The following PRDM5 variants were observed in gnomAD, a reference collection of about 807,000 sequenced individuals.
PRDM5 encodes the protein PR/SET domain 5, also known as PR domain zinc finger protein 5.
A neutral mutation model predicts 81.2 loss-of-function variants in PRDM5; 56 were observed. That is an observed-to-expected ratio of 0.69 (90% confidence interval 0.56 to 0.86). The LOEUF (loss-of-function observed/expected upper bound fraction) is 0.86, where lower values mean the gene tolerates loss of function less well. Ranked by LOEUF, PRDM5 falls within the 40% of genes least tolerant of loss-of-function variation. The probability of loss-of-function intolerance (pLI) is 0.00; values close to 1 mark genes in which losing one functional copy is unlikely to be tolerated. For synonymous variants in PRDM5, 267 were observed against 256.4 expected, an observed-to-expected ratio of 1.04 and a Z score of -0.39; for missense variants, 697 against 770.1, an observed-to-expected ratio of 0.91 and a Z score of 1.12.
intron 1 of PRDM5, among the ~76,000 whole-genome samples, chr4:120,916,323 G>T (rs1434265483): frequency 6.6e-6 from 1 of 152,132 alleles, no homozygotes; most frequent in East Asian, 1.9e-4. Context: ...GGAGGCAAAG[G>T]TTGCAGTGAG....
At chr4:120,774,221 C>A (rs962008331) in intron 13 of PRDM5, among the ~76,000 whole-genome samples, 1 of 152,206 alleles carries the variant, frequency 6.6e-6, no homozygotes, top group African/African-American at 2.4e-5. Flanking sequence ...ACTGTCCCCA[C>A]CCTGCCTTCA....
chr4:120,821,479 G>T, intron 3 of PRDM5, 134 bp from the exon 4 acceptor site: 1 of 846,490 alleles, frequency 1.2e-6, no homozygotes, highest in Non-Finnish European at 1.8e-6. Context: ...TAGTTGATCT[G>T]GGTGCTGAAA....
intron 13 of PRDM5, among the ~76,000 whole-genome samples, chr4:120,773,851 G>A (rs974944897): frequency 2.6e-5 from 4 of 152,126 alleles, no homozygotes; most frequent in Admixed American, 6.5e-5. Context: ...AAACAGATAC[G>A]AGAATCCAGC....
intron 6 of PRDM5, 32 bp from the exon 7 acceptor site, chr4:120,816,606 G>A (rs1167926730): frequency 8.7e-6 from 14 of 1,613,686 alleles, no homozygotes; most frequent in Non-Finnish European, 1.1e-5. Flanking sequence ...GGAACAGGAA[G>A]AAATGGTGAA....
chr4:120,833,846 G>C (rs909736636), intron 3 of PRDM5, among the ~76,000 whole-genome samples: 10 of 152,134 alleles, frequency 6.6e-5, no homozygotes, highest in African/African-American at 2.4e-4. Flanking sequence ...ACAGAGAATG[G>C]TAGTTACAGA....
intron 3 of PRDM5, among the ~76,000 whole-genome samples, chr4:120,821,667 C>T (rs1207758735): frequency 6.6e-6 from 1 of 151,446 alleles, no homozygotes; most frequent in Admixed American, 6.6e-5. Flanking sequence ...TGTCATGCAA[C>T]AGTGTCATTC....
intron 3 of PRDM5, among the ~76,000 whole-genome samples, chr4:120,826,998 T>G (rs574909589): frequency 6.6e-6 from 1 of 152,314 alleles, no homozygotes; most frequent in East Asian, 1.9e-4. Context: ...TATAATTTCA[T>G]GTGGACCTTC....
chr4:120,886,794 C>T (rs1196382211), intron 2 of PRDM5, among the ~76,000 whole-genome samples: 2 of 152,056 alleles, frequency 1.3e-5, no homozygotes, highest in Non-Finnish European at 2.9e-5. Flanking sequence ...AAAGACAATG[C>T]CCTTCCTTCA....
chr4:120,798,461 T>C, intron 9 of PRDM5, 37 bp from the exon 10 acceptor site: 17 of 1,513,020 alleles, frequency 1.1e-5, no homozygotes, highest in Non-Finnish European at 1.5e-5. Flanking sequence ...CTCATATCTA[T>C]ATAAAGGTAA....
At chr4:120,728,065 C>T (rs1184903320) in intron 14 of PRDM5, among the ~76,000 whole-genome samples, 1 of 152,060 alleles carries the variant, frequency 6.6e-6, no homozygotes, top group African/African-American at 2.4e-5. Context: ...CTTAGCCTGG[C>T]CCAACTGCTG....
intron 14 of PRDM5, among the ~76,000 whole-genome samples, chr4:120,743,195 G>A (rs1004355285): frequency 6.6e-6 from 1 of 151,540 alleles, no homozygotes; most frequent in African/African-American, 2.4e-5. Flanking sequence ...CATAAGTGAA[G>A]GAGAAATAAA....
intron 15 of PRDM5, among the ~76,000 whole-genome samples, chr4:120,706,590 A>T (rs908194863): frequency 6.6e-6 from 1 of 152,084 alleles, no homozygotes; most frequent in Middle Eastern, 3.4e-3. Context: ...TGGGCAGGAG[A>T]AAGAAAGATT....
At chr4:120,807,698 T>C (rs1342518558) in intron 8 of PRDM5, among the ~76,000 whole-genome samples, 2 of 152,192 alleles carry the variant, frequency 1.3e-5, no homozygotes, top group Non-Finnish European at 2.9e-5. Flanking sequence ...AGGCGGTGTG[T>C]CCGGAGTTTG....
chr4:120,696,454 C>T (rs1734525633), intron 15 of PRDM5, among the ~76,000 whole-genome samples: 1 of 152,036 alleles, frequency 6.6e-6, no homozygotes, highest in Non-Finnish European at 1.5e-5. Context: ...TACTTTATTC[C>T]CTTATGTCCC....
chr4:120,709,618 G>A (rs1349995276), intron 15 of PRDM5, among the ~76,000 whole-genome samples: 1 of 152,118 alleles, frequency 6.6e-6, no homozygotes, highest in African/African-American at 2.4e-5. Context: ...ATATCACACA[G>A]CACAGCTTTA....
chr4:120,748,352 A>C (rs1200053289), intron 14 of PRDM5, among the ~76,000 whole-genome samples: 1 of 152,208 alleles, frequency 6.6e-6, no homozygotes, highest in African/African-American at 2.4e-5. Flanking sequence ...GTGAAAACTA[A>C]GATAATCTTG....
At chr4:120,776,859 GT>G (rs1480459222) in intron 13 of PRDM5, among the ~76,000 whole-genome samples, 4 of 152,110 alleles carry the variant, frequency 2.6e-5, no homozygotes, top group African/African-American at 9.7e-5. Context: ...TATAAATCAA[GT>G]TGATGCCCTT....
chr4:120,798,101 A>G (rs1223110384), intron 10 of PRDM5, among the ~76,000 whole-genome samples, 166 bp downstream of exon 10: 1 of 152,180 alleles, frequency 6.6e-6, no homozygotes, highest in Non-Finnish European at 1.5e-5. Context: ...AGAGAATGGA[A>G]GACAGGAAGG....
chr4:120,742,877 T>A (rs1274489584), intron 14 of PRDM5, among the ~76,000 whole-genome samples: 1 of 152,068 alleles, frequency 6.6e-6, no homozygotes, highest in Admixed American at 6.6e-5. Flanking sequence ...CCAGGAGAAT[T>A]TCCCCAATCT....
Sources: gnomAD v4.1 joint callset for allele counts (sites outside exome capture counted in the v4.1 genomes callset) on GRCh38, gnomAD v4.1.1 for gene constraint, MANE v1.5 for transcripts, NCBI Gene and HGNC (gene_info 2026-07-23, HGNC 2026-07-21) for gene names.